KBTBD8: variants seen among roughly 807,000 people sequenced by gnomAD.
KBTBD8 encodes the protein kelch repeat and BTB domain-containing protein 8.
Under a neutral mutation model 53.5 loss-of-function variants are expected in KBTBD8, and 31 were observed. The observed-to-expected ratio is 0.58, with a 90% CI of 0.44 to 0.78. The LOEUF (loss-of-function observed/expected upper bound fraction) is 0.78. Ranked by LOEUF, KBTBD8 falls within the 30% of genes least tolerant of loss-of-function variation. KBTBD8 has a pLI of 0.00. For missense variants in KBTBD8, 642 were observed against 735.8 expected (o/e 0.87, Z 1.48); for synonymous variants, 250 against 247.3 (o/e 1.01, Z -0.10).
In KBTBD8 at chr3:67,007,142, C is replaced by T. The variant is rs1437701946; in HGVS notation, c.1343-780C>T. Among the ~76,000 whole-genome samples, 4 of 152,276 alleles carry T rather than the reference C, an allele frequency of 2.6e-5. No individual in the cohort carries two copies. The East Asian group carries it at 5.8e-4, about 22-fold the overall frequency. On this transcript the variant is annotated intron_variant, in intron 3 of 3. Coordinates refer to ENST00000417314, the MANE Select transcript of KBTBD8 (RefSeq NM_032505.3). Reference sequence around the variant, plus strand: ...TAAGCATAAATCTGCACAATTCCATCTGCTGTCTTCTAATTAAATAGCATA... The same window carrying T: ...TAAGCATAAATCTGCACAATTCCATTTGCTGTCTTCTAATTAAATAGCATA...
At chr3:66,998,675 TCGG>T (rs1449139955) in intron 1 of KBTBD8, among the ~76,000 whole-genome samples, 1 of 151,964 alleles carries the variant, frequency 6.6e-6, no homozygotes, top group Non-Finnish European at 1.5e-5. Flanking sequence ...CCCTCGGCTC[TCGG>T]CGGAGTCCGC....
At chr3:66,998,838 C>G in intron 1 of KBTBD8, 143 bp from the exon 2 acceptor site, 3 of 669,232 alleles carry the variant, frequency 4.5e-6, no homozygotes, top group Non-Finnish European at 7.8e-6. Context: ...CGCGGTCCCA[C>G]GAGGTCGTGC....
intron 3 of KBTBD8, among the ~76,000 whole-genome samples, chr3:67,005,247 T>C (rs1702055037): frequency 6.6e-6 from 1 of 152,238 alleles, no homozygotes; most frequent in Non-Finnish European, 1.5e-5. Context: ...CTCACACTAC[T>C]ACTTAAGGAA....
rs149917487 is a variant in KBTBD8 at position 67,003,462 on chromosome 3, G to A, written c.495G>A (p.Gln165=). ...TCTTTGCTGATCATTATGGTCATCA[G>A]GAACTCGGAGATCGATCAAAAGAAT... ...VFIFADHYGH[Q]ELGDRSKEYI... The change falls in exon 3 of 4, where the codon CAG becomes CAA. Residue 165 remains glutamine, a synonymous_variant. Coordinates refer to ENST00000417314, the MANE Select transcript of KBTBD8 (RefSeq NM_032505.3). 4.0e-4 allele frequency: 649 copies of A among 1,614,106 alleles called. No homozygotes were observed. The highest frequency in any genetic ancestry group is 2.6e-3 in the Middle Eastern group (16 of 6,062).
In KBTBD8 at chr3:67,008,270, T is replaced by C. The variant is rs759690775; in HGVS notation, c.1691T>C (p.Ile564Thr). ...RKNSLYQYDD[I>T]ADQWMKVYET... ...AATTCCCTTTACCAATATGATGACA[T>C]TGCTGACCAGTGGATGAAAGTGTAT... is the stretch of plus-strand genomic sequence containing the variant. The change falls in exon 4 of 4, where the codon ATT (isoleucine) becomes ACT (threonine). Residue 564 changes from isoleucine (I) to threonine (T), a missense_variant. Ile to Thr is a moderately conservative substitution (Grantham distance 89). Coordinates refer to ENST00000417314, the MANE Select transcript of KBTBD8 (RefSeq NM_032505.3). The C allele has an allele frequency of 9.3e-6, 15 of 1,613,926 alleles. No individual in the cohort carries two copies. The highest frequency in any genetic ancestry group is 2.2e-5 in the East Asian group (1 of 44,882).
chr3:66,998,461 C>T, intron 1 of KBTBD8, 90 bp downstream of exon 1: 1 of 1,012,896 alleles, frequency 9.9e-7, no homozygotes, highest in Non-Finnish European at 1.3e-6. Flanking sequence ...GAGGACGTAG[C>T]GGTGCGGAGC....
intron 3 of KBTBD8, among the ~76,000 whole-genome samples, chr3:67,005,725 G>C (rs1425691804): frequency 6.6e-6 from 1 of 151,124 alleles, no homozygotes; most frequent in Non-Finnish European, 1.5e-5. Context: ...ACCCAGGCTG[G>C]AGTGCAGTGG....
At chr3:67,002,282 A>ATTAT (rs747211235) in intron 2 of KBTBD8, among the ~76,000 whole-genome samples, 10 of 152,166 alleles carry the variant, frequency 6.6e-5, no homozygotes, top group Non-Finnish European at 1.5e-4. Flanking sequence ...AAGTGAAGTG[A>ATTAT]TTATTATATT....
chr3:66,998,899 A>G (rs1227123357), intron 1 of KBTBD8, 82 bp from the exon 2 acceptor site: 13 of 1,052,462 alleles, frequency 1.2e-5, no homozygotes, highest in Non-Finnish European at 1.9e-5. Flanking sequence ...AAGCCTAGCA[A>G]GCAGACACAC....
At position 66,998,311 on chromosome 3, in the gene KBTBD8, T is replaced by A. The variant is rs1371592869; in HGVS notation, c.-45T>A. 2 of 1,288,700 alleles carry A rather than the reference T, an allele frequency of 1.6e-6. No homozygotes were observed. The highest frequency in any genetic ancestry group is 3.1e-5 in the African/African-American group (2 of 64,524). 79.8% of individuals were successfully genotyped at this position (1,288,700 alleles called of 1,614,324 possible). On this transcript the variant is annotated 5_prime_UTR_variant, in exon 1 of 4. It removes an upstream start codon present in the reference 5' UTR. Transcript: ENST00000417314. ...GAACCCGGGAGCTAGAGAAGCGAAATGACATTTCCTTTTTAAATAGCTGGA... is the reference window on the plus strand; with the variant it reads ...GAACCCGGGAGCTAGAGAAGCGAAAAGACATTTCCTTTTTAAATAGCTGGA...
chr3:67,008,402 A>C lies in KBTBD8; in HGVS notation c.*17A>C, dbSNP rs1225804125. 1 of 1,500,998 alleles carries C rather than the reference A, an allele frequency of 6.7e-7. No individual in the cohort carries two copies. The highest frequency in any genetic ancestry group is 1.2e-5 in the South Asian group (1 of 85,796). 93.0% of individuals were successfully genotyped at this position (1,500,998 alleles called of 1,614,324 possible). A position where few individuals can be genotyped will look rare whatever the true frequency, so the allele number is the denominator to read the frequency against. On this transcript the variant is annotated 3_prime_UTR_variant, in exon 4 of 4. Transcript: ENST00000417314. ...GTACTCTAAATGAGTAGCAGGCCTTAGTGCATCACTGGCATCTCATTCTTA... is the reference window on the plus strand; with the variant it reads ...GTACTCTAAATGAGTAGCAGGCCTTCGTGCATCACTGGCATCTCATTCTTA...
chr3:67,004,120 C>T lies in KBTBD8; in HGVS notation c.1153C>T (p.Leu385Phe), dbSNP rs1251669577. ...SLLRARIGCK[L>F]VYCCGKMYAI... ...GCTTCGAGCCAGAATAGGCTGCAAA[C>T]TTGTCTATTGCTGTGGTAAAATGTA... is the stretch of plus-strand genomic sequence containing the variant. The change falls in exon 3 of 4, where the codon CTT (leucine) becomes TTT (phenylalanine). Residue 385 changes from leucine to phenylalanine, a missense_variant. Leu to Phe is a conservative substitution (Grantham distance 22). Coordinates refer to ENST00000417314, the MANE Select transcript of KBTBD8 (RefSeq NM_032505.3). 3.1e-6 allele frequency: 5 copies of T among 1,614,068 alleles called. No homozygotes were observed. In the African/African-American group the frequency reaches 5.3e-5, roughly 17 times the overall value.
At chr3:67,002,731 C>T (rs542683857) in intron 2 of KBTBD8, among the ~76,000 whole-genome samples, 87 of 151,930 alleles carry the variant, frequency 5.7e-4, no homozygotes, top group Non-Finnish European at 1.0e-3. Context: ...GAACTCCTGA[C>T]CTTATGTGAT....
chr3:66,998,905 C>A, intron 1 of KBTBD8, 76 bp from the exon 2 acceptor site: 2 of 1,124,650 alleles, frequency 1.8e-6, no homozygotes, highest in Non-Finnish European at 1.3e-6. Context: ...AGCAAGCAGA[C>A]ACACAAACAG....
intron 2 of KBTBD8, among the ~76,000 whole-genome samples, chr3:67,000,186 G>A (rs1022685764): frequency 5.3e-5 from 8 of 152,116 alleles, no homozygotes; most frequent in Non-Finnish European, 7.4e-5. Flanking sequence ...AGAATACTGG[G>A]TTAAATATAG....
intron 2 of KBTBD8, among the ~76,000 whole-genome samples, chr3:67,000,497 T>A (rs1702007452): frequency 6.6e-6 from 1 of 152,172 alleles, no homozygotes. Context: ...TAATCCTATC[T>A]CTGCATAGTT....
intron 1 of KBTBD8, among the ~76,000 whole-genome samples, chr3:66,998,772 C>T (rs1701987363): frequency 6.6e-6 from 1 of 152,200 alleles, no homozygotes; most frequent in African/African-American, 2.4e-5. Flanking sequence ...AGCAGGCTGG[C>T]CTTTGAACTT....
rs1266293658 is a variant in KBTBD8, at chr3:67,004,198, G to T, written c.1231G>T (p.Val411Phe). ...EGDGRNSLKS[V>F]ECYDSRENCW... Reference sequence around the variant, plus strand: ...TGATGGGAGAAACTCACTAAAATCTGTTGAGTGCTACGACAGTAGAGAGAA... The same window carrying T: ...TGATGGGAGAAACTCACTAAAATCTTTTGAGTGCTACGACAGTAGAGAGAA... Residue 411 changes from valine (V) to phenylalanine (F), a missense_variant, in exon 3 of 4, where the codon GTT (valine) becomes TTT (phenylalanine). Coordinates refer to ENST00000417314, the MANE Select transcript of KBTBD8 (RefSeq NM_032505.3). 1 of 1,614,170 alleles carries T rather than the reference G, an allele frequency of 6.2e-7. No homozygotes were observed.
intron 3 of KBTBD8, among the ~76,000 whole-genome samples, chr3:67,005,136 T>G (rs1301242255): frequency 6.6e-6 from 1 of 152,214 alleles, no homozygotes; most frequent in Non-Finnish European, 1.5e-5. Context: ...TATTTTCCTT[T>G]TATTTGGTTT....
Sources: allele counts gnomAD v4.1 joint callset (sites outside exome capture counted in the v4.1 genomes callset), GRCh38; gene constraint gnomAD v4.1.1; transcripts MANE v1.5; gene names NCBI Gene and HGNC (gene_info 2026-07-23, HGNC 2026-07-21).